Variants in DSCAM observed in about 807,000 individuals in gnomAD.
DSCAM encodes the protein cell adhesion molecule DSCAM.
A neutral mutation model predicts 217.7 loss-of-function variants in DSCAM; 47 were observed. The ratio of observed to expected loss-of-function variants is 0.22; its 90% CI spans 0.17 to 0.28. DSCAM has a LOEUF of 0.28. DSCAM is among the 10% of genes least tolerant of loss of function. The probability of loss-of-function intolerance (pLI) is 1.00; values close to 1 mark genes in which losing one functional copy is unlikely to be tolerated. For missense variants in DSCAM, 2,080 were observed against 2,618.3 expected (o/e 0.79, Z 4.49); for synonymous variants, 1,056 against 1,015.3 (o/e 1.04, Z -0.76).
chr21:40,190,118 C>T (rs539481437), intron 11 of DSCAM, among the ~76,000 whole-genome samples: 1 of 152,274 alleles, frequency 6.6e-6, no homozygotes, highest in African/African-American at 2.4e-5. Flanking sequence ...CAGAGAATCT[C>T]GTCTCCAATT....
intron 3 of DSCAM, among the ~76,000 whole-genome samples, chr21:40,631,763 G>A (rs2089694264): frequency 6.6e-6 from 1 of 152,200 alleles, no homozygotes; most frequent in African/African-American, 2.4e-5. Context: ...AAAGTAGGAA[G>A]TTATACAGCA....
At chr21:40,256,976 G>C (rs891348753) in intron 11 of DSCAM, among the ~76,000 whole-genome samples, 1 of 152,158 alleles carries the variant, frequency 6.6e-6, no homozygotes, top group African/African-American at 2.4e-5. Context: ...TAAAAGAAAA[G>C]CAAAGTCCTT....
intron 11 of DSCAM, among the ~76,000 whole-genome samples, chr21:40,263,863 T>C (rs1227438440): frequency 1.3e-5 from 2 of 151,896 alleles, no homozygotes; most frequent in Admixed American, 6.6e-5. Flanking sequence ...GAAATGAAAA[T>C]GGAGACATCA....
chr21:40,645,939 T>C (rs4263194), intron 3 of DSCAM, among the ~76,000 whole-genome samples: 57,929 of 151,892 alleles, frequency 0.38, 11,866 homozygotes, highest in East Asian at 0.6. Context: ...TGAAAAACAA[T>C]ACAAGTATTA....
chr21:40,208,925 C>T (rs1485501009), intron 11 of DSCAM, among the ~76,000 whole-genome samples: 2 of 152,150 alleles, frequency 1.3e-5, no homozygotes, highest in Non-Finnish European at 2.9e-5. Context: ...AAGGAAAAAG[C>T]CCTCAAAACA....
chr21:40,476,788 T>A (rs780156970), intron 3 of DSCAM, among the ~76,000 whole-genome samples: 1 of 152,138 alleles, frequency 6.6e-6, no homozygotes, highest in East Asian at 1.9e-4. Flanking sequence ...TGTTCCCTGC[T>A]AAGGCCTCAA....
chr21:40,444,242 G>A (rs983229078), intron 3 of DSCAM, among the ~76,000 whole-genome samples: 1 of 152,134 alleles, frequency 6.6e-6, no homozygotes, highest in Non-Finnish European at 1.5e-5. Flanking sequence ...GGTATGAGGT[G>A]TACACTTGTC....
chr21:40,540,968 A>AT (rs975962649), intron 3 of DSCAM, among the ~76,000 whole-genome samples: 19 of 152,040 alleles, frequency 1.2e-4, no homozygotes, highest in African/African-American at 4.6e-4. Context: ...AGCTCAAGTG[A>AT]TTACCCTGCT....
At chr21:40,632,008 G>T (rs73370802) in intron 3 of DSCAM, among the ~76,000 whole-genome samples, 23,308 of 152,232 alleles carry the variant, frequency 0.15, 2,304 homozygotes, top group African/African-American at 0.28. Context: ...TACTGCACAG[G>T]TTCTGTGAGA....
intron 1 of DSCAM, among the ~76,000 whole-genome samples, chr21:40,811,080 T>A (rs2091833933): frequency 2.0e-5 from 3 of 152,188 alleles, no homozygotes; most frequent in African/African-American, 7.2e-5. Flanking sequence ...TGGCACAGAC[T>A]GTCATTAAAT....
intron 1 of DSCAM, among the ~76,000 whole-genome samples, chr21:40,767,101 T>A (rs1601234733): frequency 1.3e-5 from 2 of 152,258 alleles, no homozygotes; most frequent in Admixed American, 1.3e-4. Context: ...AAAAAACTAA[T>A]TCACAAAGAC....
At chr21:40,480,194 C>G (rs2075970319) in intron 3 of DSCAM, among the ~76,000 whole-genome samples, 1 of 152,166 alleles carries the variant, frequency 6.6e-6, no homozygotes. Flanking sequence ...AGAGGCAGTT[C>G]CTTGTGCCCT....
intron 3 of DSCAM, among the ~76,000 whole-genome samples, chr21:40,625,463 A>T (rs534562241): frequency 6.6e-6 from 1 of 152,028 alleles, no homozygotes; most frequent in Non-Finnish European, 1.5e-5. Context: ...ATGAGATTCT[A>T]TGTTTCTCAT....
chr21:40,142,493 G>A (rs1331116792), intron 18 of DSCAM, 65 bp downstream of exon 18: 6 of 1,585,520 alleles, frequency 3.8e-6, no homozygotes, highest in African/African-American at 2.7e-5. Context: ...GAACTAGGAG[G>A]GGTCTGCAAA....
intron 25 of DSCAM, 50 bp from the exon 26 acceptor site, chr21:40,079,027 CAT>C (rs770113042): frequency 2.5e-6 from 4 of 1,579,986 alleles, no homozygotes; most frequent in Non-Finnish European, 3.4e-6. Flanking sequence ...ATGGGGAGGC[CAT>C]CAGCATCTTC....
chr21:40,563,462 T>A (rs1235206596), intron 3 of DSCAM, among the ~76,000 whole-genome samples: 1 of 147,370 alleles, frequency 6.8e-6, no homozygotes, highest in East Asian at 2.0e-4. Flanking sequence ...TATTTTGAAA[T>A]ATATATATAT....
At chr21:40,643,780 G>C (rs916687685) in intron 3 of DSCAM, among the ~76,000 whole-genome samples, 2 of 152,170 alleles carry the variant, frequency 1.3e-5, no homozygotes, top group African/African-American at 2.4e-5. Flanking sequence ...GTGCACAGAG[G>C]AAACACCATG....
chr21:40,291,741 A>T (rs2073895016), intron 10 of DSCAM, among the ~76,000 whole-genome samples: 1 of 152,062 alleles, frequency 6.6e-6, no homozygotes, highest in Non-Finnish European at 1.5e-5. Context: ...TTAAATGCAA[A>T]CTACTCCCCA....
chr21:40,038,172 C>G (rs1157306101), intron 32 of DSCAM, among the ~76,000 whole-genome samples: 2 of 148,732 alleles, frequency 1.3e-5, no homozygotes, highest in Non-Finnish European at 1.5e-5. Context: ...CAAATGGGAT[C>G]TAATTAAACT....
Sources: allele counts gnomAD v4.1 joint callset (sites outside exome capture counted in the v4.1 genomes callset), GRCh38; gene constraint gnomAD v4.1.1; transcripts MANE v1.5; gene names NCBI Gene and HGNC (gene_info 2026-07-23, HGNC 2026-07-21).